The following CALCRL variants were observed in gnomAD, a reference collection of about 807,000 sequenced individuals.
The protein encoded by CALCRL is calcitonin receptor like receptor.
A neutral mutation model predicts 60.4 loss-of-function variants in CALCRL; 27 were observed. The ratio of observed to expected loss-of-function variants is 0.45; its 90% CI spans 0.33 to 0.62. The LOEUF is 0.62. CALCRL is among the 20% of genes least tolerant of loss of function. CALCRL has a pLI of 0.03. For missense variants in CALCRL, 424 were observed against 540.7 expected, an observed-to-expected ratio of 0.78 and a Z score of 2.14; for synonymous variants, 190 against 182.6, an observed-to-expected ratio of 1.04 and a Z score of -0.33.
intron 5 of CALCRL, among the ~76,000 whole-genome samples, chr2:187,382,466 T>G (rs981310990): frequency 6.6e-6 from 1 of 152,242 alleles, no homozygotes; most frequent in Non-Finnish European, 1.5e-5. Flanking sequence ...TGGAAGGGTT[T>G]CAAAGTTAAA....
In CALCRL at chr2:187,435,658, A is replaced by T. The variant is rs73048642; in HGVS notation, c.-293+12381T>A. 2.5e-3 allele frequency among the ~76,000 whole-genome samples: 383 copies of T among 152,304 alleles called. 4 individuals are homozygous for T. Among genetic ancestry groups the T allele is most frequent in the African/African-American group, 8.8e-3 (366 of 41,566 alleles). On this transcript the variant is annotated intron_variant, in intron 1 of 14. Coordinates refer to ENST00000392370, the MANE Select transcript of CALCRL (RefSeq NM_005795.6). ...ATTTGTTATGAATCTATGTATCAAA[A>T]TATATGAAATGCAATTTATTAGGGA...
intron 1 of CALCRL, among the ~76,000 whole-genome samples, chr2:187,438,545 T>G (rs1488255916): frequency 1.3e-5 from 2 of 152,156 alleles, no homozygotes; most frequent in African/African-American, 2.4e-5. Flanking sequence ...CTAAGTTGTT[T>G]TTTTTTTCCT....
chr2:187,378,992 C>T lies in CALCRL; in HGVS notation c.448G>A (p.Gly150Arg), dbSNP rs748847420. 3.7e-6 allele frequency: 6 copies of T among 1,607,314 alleles called. No individual in the cohort carries two copies. Among genetic ancestry groups the T allele is most frequent in the East Asian group, 2.2e-5 (1 of 44,720 alleles). ...ATAAGCAGTGATGCAATAGACAATC[C>T]GTGTCCAATTATGGTCAGGTAAAAC... Reference protein sequence around the residue: ...NLFYLTIIGHGLSIASLLISL... With the variant: ...NLFYLTIIGHRLSIASLLISL... The change falls in exon 8 of 15, where the codon GGA (glycine) becomes AGA (arginine). Residue 150 changes from glycine (G) to arginine (R), a missense_variant. This residue lies in a region of CALCRL where 43 missense variants were observed against 46.6 expected (regional missense o/e 0.92). Transcript: ENST00000392370.
chr2:187,418,540 T>C (rs897810873), intron 1 of CALCRL, among the ~76,000 whole-genome samples: 6 of 152,174 alleles, frequency 3.9e-5, no homozygotes, highest in Non-Finnish European at 8.8e-5. Context: ...TCGACTTCTA[T>C]TGTTATTTTG....
At chr2:187,404,329 A>C (rs979503645) in intron 1 of CALCRL, among the ~76,000 whole-genome samples, 1 of 151,892 alleles carries the variant, frequency 6.6e-6, no homozygotes, top group African/African-American at 2.4e-5. Flanking sequence ...TTAAAAAGTT[A>C]CTCTATTAAA....
intron 1 of CALCRL, among the ~76,000 whole-genome samples, chr2:187,433,877 T>C (rs1690509272): frequency 6.6e-6 from 1 of 152,086 alleles, no homozygotes; most frequent in South Asian, 2.1e-4. Flanking sequence ...TGAGGAATTA[T>C]GTGAAAAACA....
chr2:187,371,811 C>G (rs1406057029), intron 8 of CALCRL, among the ~76,000 whole-genome samples: 1 of 151,534 alleles, frequency 6.6e-6, no homozygotes, highest in Non-Finnish European at 1.5e-5. Context: ...TGTACTTGCT[C>G]TAATTGAAGA....
intron 12 of CALCRL, among the ~76,000 whole-genome samples, chr2:187,356,526 A>G (rs922211123): frequency 6.6e-6 from 1 of 152,214 alleles, no homozygotes; most frequent in African/African-American, 2.4e-5. Flanking sequence ...GAAAGACTTA[A>G]AAGTAAGACC....
At chr2:187,440,273 G>A (rs74594031) in intron 1 of CALCRL, among the ~76,000 whole-genome samples, 5,374 of 152,008 alleles carry the variant, frequency 0.035, 146 homozygotes, top group Middle Eastern at 0.075. Flanking sequence ...ATAACATCAC[G>A]CAACTATTTC....
At chr2:187,356,734 A>T (rs546403127) in intron 12 of CALCRL, among the ~76,000 whole-genome samples, 1 of 152,306 alleles carries the variant, frequency 6.6e-6, no homozygotes, top group African/African-American at 2.4e-5. Context: ...AATGGGAGAA[A>T]TTTTTTGCAA....
intron 1 of CALCRL, among the ~76,000 whole-genome samples, chr2:187,407,621 C>T (rs893704341): frequency 2.6e-5 from 4 of 151,974 alleles, no homozygotes; most frequent in Non-Finnish European, 5.9e-5. Flanking sequence ...TTTTATATTA[C>T]GAGAGAAAAA....
intron 1 of CALCRL, among the ~76,000 whole-genome samples, chr2:187,392,282 C>T (rs1460335703): frequency 6.6e-6 from 1 of 152,074 alleles, no homozygotes; most frequent in Non-Finnish European, 1.5e-5. Flanking sequence ...TCGATTTTTA[C>T]AGGCTCTAAA....
intron 1 of CALCRL, among the ~76,000 whole-genome samples, chr2:187,396,907 G>A (rs761274537): frequency 6.6e-6 from 1 of 151,596 alleles, no homozygotes; most frequent in Non-Finnish European, 1.5e-5. Context: ...ACATAATGAA[G>A]GGATGATGTC....
chr2:187,439,445 CTG>C (rs1383918259), intron 1 of CALCRL, among the ~76,000 whole-genome samples: 6 of 151,998 alleles, frequency 3.9e-5, no homozygotes, highest in African/African-American at 4.8e-5. Context: ...CAGAGCAAGA[CTG>C]TGTTTCAAAT....
At chr2:187,426,460 G>A (rs1382293465) in intron 1 of CALCRL, among the ~76,000 whole-genome samples, 2 of 151,802 alleles carry the variant, frequency 1.3e-5, no homozygotes, top group South Asian at 4.1e-4. Context: ...AAAAATAATG[G>A]CAATAATTAT....
chr2:187,409,723 G>A (rs1280988254), intron 1 of CALCRL, among the ~76,000 whole-genome samples: 1 of 152,218 alleles, frequency 6.6e-6, no homozygotes, highest in East Asian at 1.9e-4. Context: ...ATAGTCCTAT[G>A]AAGGAAGAAG....
chr2:187,425,787 C>T (rs998116443), intron 1 of CALCRL, among the ~76,000 whole-genome samples: 9 of 151,958 alleles, frequency 5.9e-5, no homozygotes, highest in African/African-American at 2.2e-4. Context: ...GAAAGAACTT[C>T]AGCCATTTCA....
At chr2:187,383,438 A>T in intron 4 of CALCRL, 133 bp from the exon 5 acceptor site, 1 of 611,562 alleles carries the variant, frequency 1.6e-6, no homozygotes, top group Non-Finnish European at 2.6e-6. Context: ...CGCTCTAGGG[A>T]AAAAACCCCA....
At chr2:187,392,375 A>G (rs192872417) in intron 1 of CALCRL, among the ~76,000 whole-genome samples, 4 of 152,250 alleles carry the variant, frequency 2.6e-5, no homozygotes, top group Admixed American at 2.6e-4. Context: ...AATTTGCCAT[A>G]AGGTTCACCC....
Sources: gnomAD v4.1 joint callset for allele counts (sites outside exome capture counted in the v4.1 genomes callset) on GRCh38, gnomAD v4.1.1 for gene constraint, gnomAD v4.1.1 regional missense constraint, MANE v1.5 for transcripts, NCBI Gene and HGNC (gene_info 2026-07-23, HGNC 2026-07-21) for gene names.